The following CCSER1 variants were observed in gnomAD, a reference collection of about 807,000 sequenced individuals.
The protein encoded by CCSER1 is coiled-coil serine rich protein 1, also known as serine-rich coiled-coil domain-containing protein 1.
A neutral mutation model predicts 82.0 loss-of-function variants in CCSER1; 41 were observed. The ratio of observed to expected loss-of-function variants is 0.50; its 90% CI spans 0.39 to 0.65. CCSER1 has a LOEUF of 0.65. Ranked by LOEUF, CCSER1 falls within the 30% of genes least tolerant of loss-of-function variation. The probability of loss-of-function intolerance (pLI) is 0.00; values close to 1 mark genes in which losing one functional copy is unlikely to be tolerated. For synonymous variants in CCSER1, 414 were observed against 383.9 expected (o/e 1.08, Z -0.92); for missense variants, 1,119 against 1,064.2 (o/e 1.05, Z -0.72).
intron 1 of CCSER1, chr4:90,235,037 A>G (rs1395190556): frequency 1.3e-5 from 2 of 152,044 alleles, no homozygotes; most frequent in African/African-American, 4.8e-5. Context: ...CTCTGTTACC[A>G]TCGAGACCGG....
chr4:90,245,920 T>C (rs1721328463), intron 1 of CCSER1, among the ~76,000 whole-genome samples: 1 of 152,186 alleles, frequency 6.6e-6, no homozygotes, highest in East Asian at 1.9e-4. Flanking sequence ...GCCTTTTGTG[T>C]GTTTGTTTTC....
chr4:90,302,304 G>C (rs950208214), intron 1 of CCSER1, among the ~76,000 whole-genome samples: 4 of 152,202 alleles, frequency 2.6e-5, no homozygotes, highest in Non-Finnish European at 2.9e-5. Context: ...GCTAATACTT[G>C]AGGATATGTA....
chr4:90,914,715 G>GA (rs61366146), intron 8 of CCSER1, among the ~76,000 whole-genome samples: 15,940 of 128,480 alleles, frequency 0.12, 2,729 homozygotes, highest in African/African-American at 0.38. Context: ...GCTTTTTATT[G>GA]AAAAAAAAAA....
chr4:91,278,334 A>G (rs779918388), intron 10 of CCSER1, among the ~76,000 whole-genome samples: 4 of 152,074 alleles, frequency 2.6e-5, no homozygotes, highest in Non-Finnish European at 5.9e-5. Context: ...TACATCTGGT[A>G]ATGTTTGCTT....
chr4:90,957,053 CAGGCAT>C (rs1336906423), intron 9 of CCSER1, among the ~76,000 whole-genome samples: 1 of 145,510 alleles, frequency 6.9e-6, no homozygotes, highest in Non-Finnish European at 1.5e-5. Context: ...GCTAGGATTA[CAGGCAT>C]GAATCAGCAG....
intron 6 of CCSER1, among the ~76,000 whole-genome samples, chr4:90,704,360 C>T (rs1383122639): frequency 6.6e-6 from 1 of 152,218 alleles, no homozygotes; most frequent in African/African-American, 2.4e-5. Context: ...GTCTGTTGGG[C>T]TTCCCTTTGT....
intron 10 of CCSER1, among the ~76,000 whole-genome samples, chr4:91,135,830 G>A (rs539869368): frequency 2.0e-5 from 3 of 152,014 alleles, no homozygotes; most frequent in Admixed American, 6.6e-5. Context: ...TCACAACTTC[G>A]CTATAAGTTT....
chr4:90,542,388 A>T (rs964186343), intron 5 of CCSER1, among the ~76,000 whole-genome samples: 7 of 152,108 alleles, frequency 4.6e-5, no homozygotes, highest in Non-Finnish European at 7.4e-5. Flanking sequence ...TGAGAAGTAC[A>T]CTTATTCTAG....
intron 10 of CCSER1, among the ~76,000 whole-genome samples, chr4:91,345,541 G>C (rs1747998066): frequency 6.8e-6 from 1 of 147,602 alleles, no homozygotes; most frequent in East Asian, 1.9e-4. Context: ...TTTTTGTGTA[G>C]TTATAATTTA....
intron 10 of CCSER1, among the ~76,000 whole-genome samples, chr4:91,340,004 C>T (rs1747604139): frequency 6.6e-6 from 1 of 151,932 alleles, no homozygotes; most frequent in South Asian, 2.1e-4. Flanking sequence ...GTAATCCCAG[C>T]AATTCAGTAG....
chr4:91,444,510 C>T (rs1472280724), intron 10 of CCSER1, among the ~76,000 whole-genome samples: 1 of 151,926 alleles, frequency 6.6e-6, no homozygotes, highest in Non-Finnish European at 1.5e-5. Flanking sequence ...AGTGCAATGG[C>T]ACCATCTCGG....
chr4:91,422,709 G>A (rs1274286929), intron 10 of CCSER1, among the ~76,000 whole-genome samples: 1 of 152,050 alleles, frequency 6.6e-6, no homozygotes. Context: ...GAAAAAAACA[G>A]ATGCATTAAG....
chr4:90,363,286 A>G (rs981949299), intron 3 of CCSER1, among the ~76,000 whole-genome samples: 1 of 152,174 alleles, frequency 6.6e-6, no homozygotes, highest in African/African-American at 2.4e-5. Context: ...TTGCCTTCTT[A>G]AAATAAATAG....
chr4:91,029,196 C>A (rs1740753569), intron 9 of CCSER1, among the ~76,000 whole-genome samples: 1 of 151,500 alleles, frequency 6.6e-6, no homozygotes, highest in African/African-American at 2.4e-5. Flanking sequence ...ATTCATATTT[C>A]TGCTCTCAAA....
chr4:91,447,513 T>G (rs1406825975), intron 10 of CCSER1, among the ~76,000 whole-genome samples: 2 of 152,132 alleles, frequency 1.3e-5, no homozygotes, highest in African/African-American at 4.8e-5. Flanking sequence ...CACACTACTA[T>G]TATAGCAATG....
At chr4:90,809,459 C>T (rs889975405) in intron 7 of CCSER1, among the ~76,000 whole-genome samples, 2 of 152,000 alleles carry the variant, frequency 1.3e-5, no homozygotes, top group African/African-American at 2.4e-5. Flanking sequence ...ACCCCATGTT[C>T]TTATTTATAA....
At chr4:90,497,291 A>G (rs1427283541) in intron 5 of CCSER1, among the ~76,000 whole-genome samples, 1 of 152,196 alleles carries the variant, frequency 6.6e-6, no homozygotes, top group Non-Finnish European at 1.5e-5. Context: ...TAGTTCTGAT[A>G]CATATGAGTT....
chr4:91,133,016 A>C (rs189676556), intron 10 of CCSER1, among the ~76,000 whole-genome samples: 5 of 152,220 alleles, frequency 3.3e-5, no homozygotes, highest in African/African-American at 1.2e-4. Flanking sequence ...TGTTTGAAAC[A>C]AATTCATTAG....
At chr4:90,957,680 T>C (rs1581202347) in intron 9 of CCSER1, among the ~76,000 whole-genome samples, 1 of 116,952 alleles carries the variant, frequency 8.6e-6, no homozygotes, top group African/African-American at 3.4e-5. Context: ...AATTTCATGG[T>C]ATATGTATAA....
Sources: gnomAD v4.1 joint callset for allele counts (sites outside exome capture counted in the v4.1 genomes callset) on GRCh38, gnomAD v4.1.1 for gene constraint, MANE v1.5 for transcripts, NCBI Gene and HGNC (gene_info 2026-07-23, HGNC 2026-07-21) for gene names.